EPC2: variants seen among roughly 807,000 people sequenced by gnomAD.
EPC2 encodes the protein enhancer of polycomb 2.
Under a neutral mutation model 92.1 loss-of-function variants are expected in EPC2, and 14 were observed. The observed-to-expected ratio is 0.15, with a 90% CI of 0.10 to 0.24. The LOEUF is 0.24. Among genes scored for constraint, EPC2 ranks in the 10% least tolerant of loss-of-function variants. EPC2 has a pLI of 1.00. For synonymous variants in EPC2, 340 were observed against 334.7 expected (o/e 1.02, Z -0.17); for missense variants, 755 against 971.5 (o/e 0.78, Z 2.96).
chr2:148,719,247 A>G (rs972732367), intron 2 of EPC2, among the ~76,000 whole-genome samples: 6 of 152,038 alleles, frequency 3.9e-5, no homozygotes, highest in Non-Finnish European at 5.9e-5. Flanking sequence ...CTGTCATTTC[A>G]GCAATCTCAG....
chr2:148,775,658 A>ATTT (rs1553451007), intron 10 of EPC2, among the ~76,000 whole-genome samples: 2 of 138,594 alleles, frequency 1.4e-5, no homozygotes, highest in African/African-American at 2.7e-5. Context: ...TCTTTAAATA[A>ATTT]AATTAAATAA....
chr2:148,685,743 G>A (rs1265967083), intron 1 of EPC2, among the ~76,000 whole-genome samples: 1 of 152,174 alleles, frequency 6.6e-6, no homozygotes, highest in African/African-American at 2.4e-5. Flanking sequence ...CTCTAGCCTG[G>A]GCGACAGAGT....
chr2:148,698,664 T>C (rs1448657226), intron 2 of EPC2, among the ~76,000 whole-genome samples: 2 of 143,242 alleles, frequency 1.4e-5, no homozygotes, highest in African/African-American at 5.0e-5. Flanking sequence ...AAAAATCTCC[T>C]GTTTCTCTGA....
intron 2 of EPC2, among the ~76,000 whole-genome samples, chr2:148,695,433 G>A (rs902826661): frequency 3.9e-5 from 6 of 152,220 alleles, no homozygotes; most frequent in Admixed American, 3.9e-4. Flanking sequence ...TCCTCAGACT[G>A]ATAAAGCTGA....
intron 1 of EPC2, among the ~76,000 whole-genome samples, chr2:148,654,934 G>A (rs945367579): frequency 6.6e-6 from 1 of 152,132 alleles, no homozygotes; most frequent in African/African-American, 2.4e-5. Flanking sequence ...GGAAAGATAA[G>A]TTTTAGTGAT....
rs1683778694 is a variant in EPC2 at position 148,645,462 on chromosome 2, G to C, written c.153+292G>C. On this transcript the variant is annotated intron_variant, in intron 1 of 13. Coordinates refer to ENST00000258484, the MANE Select transcript of EPC2 (RefSeq NM_015630.4). ...CCGGGAATGGCGCAGGGGATGCGCT[G>C]GCCGCTCTTGGCGTACGGTCTCTGT... is the stretch of plus-strand genomic sequence containing the variant. 13 of 368,666 alleles carry C rather than the reference G, an allele frequency of 3.5e-5. No homozygotes were observed. The South Asian group carries it at 4.1e-4, about 12-fold the overall frequency. The allele number at this position is 368,666 out of a possible 1,614,324, so 22.8% of individuals were successfully genotyped here.
Position 148,728,193 on chromosome 2 carries a change from G to A in EPC2, c.314-15429G>A, listed in dbSNP as rs181378474. The stretch of plus-strand genomic sequence containing the variant: ...CTAGGCTCAAGCAGTCTCCCACCTC[G>A]GCCTCCCAAAATACTAGGATTACAG... On this transcript the variant is annotated intron_variant, in intron 2 of 13. Coordinates refer to ENST00000258484, the MANE Select transcript of EPC2 (RefSeq NM_015630.4). Among the ~76,000 whole-genome samples the A allele has an allele frequency of 1.1e-3, 168 of 151,990 alleles. 1 individual carries two copies. Among genetic ancestry groups the A allele is most frequent in the African/African-American group, 3.8e-3 (158 of 41,460 alleles).
At chr2:148,771,995 C>T (rs1457866072) in intron 10 of EPC2, among the ~76,000 whole-genome samples, 3 of 152,094 alleles carry the variant, frequency 2.0e-5, no homozygotes, top group East Asian at 1.9e-4. Flanking sequence ...GACAGAGTTT[C>T]GCCATGTTGG....
intron 4 of EPC2, among the ~76,000 whole-genome samples, chr2:148,758,864 C>CA (rs1683245534): frequency 6.6e-6 from 1 of 152,100 alleles, no homozygotes; most frequent in Admixed American, 6.5e-5. Context: ...GTAGTTGTAC[C>CA]AAAAATACAT....
intron 10 of EPC2, among the ~76,000 whole-genome samples, chr2:148,778,019 T>C (rs1366722787): frequency 2.0e-5 from 3 of 152,204 alleles, no homozygotes; most frequent in South Asian, 2.1e-4. Context: ...AAATGTGTTA[T>C]ATAGAATGTG....
At chr2:148,658,740 GCTTTA>G (rs1335561855) in intron 1 of EPC2, among the ~76,000 whole-genome samples, 2 of 151,594 alleles carry the variant, frequency 1.3e-5, no homozygotes, top group African/African-American at 2.4e-5. Flanking sequence ...GAAAAACGCT[GCTTTA>G]CTTAATTCAG....
chr2:148,735,490 CTT>C (rs1245080113), intron 2 of EPC2, among the ~76,000 whole-genome samples: 1 of 151,856 alleles, frequency 6.6e-6, no homozygotes, highest in Non-Finnish European at 1.5e-5. Flanking sequence ...TAAAGAGACT[CTT>C]TATATATTCT....
At chr2:148,782,437 T>C (rs902962102) in intron 11 of EPC2, among the ~76,000 whole-genome samples, 2 of 152,046 alleles carry the variant, frequency 1.3e-5, no homozygotes, top group South Asian at 2.1e-4. Flanking sequence ...CTTGGGAGGC[T>C]GAGGCATGAG....
At chr2:148,762,897 A>T in intron 6 of EPC2, 95 bp downstream of exon 6, 8 of 1,357,352 alleles carry the variant, frequency 5.9e-6, no homozygotes, top group Non-Finnish European at 7.9e-6. Flanking sequence ...TTGAGTAAAG[A>T]AAAAGTAATT....
intron 10 of EPC2, among the ~76,000 whole-genome samples, chr2:148,774,624 T>TATTTTATATATATATATATA (rs935978031): frequency 3.8e-5 from 5 of 132,574 alleles, no homozygotes; most frequent in Admixed American, 3.2e-4. Flanking sequence ...AAAATATATT[T>TATTTTATATATATATATATA]TATATATATA....
intron 6 of EPC2, 147 bp downstream of exon 6, chr2:148,762,949 G>C: frequency 5.1e-5 from 40 of 787,380 alleles, no homozygotes; most frequent in Non-Finnish European, 7.2e-5. Context: ...CACTTTGCTA[G>C]GAGTATTTAT....
At position 148,721,907 on chromosome 2, in the gene EPC2, T is replaced by TTC. The variant is rs1553446825; in HGVS notation, c.314-21715_314-21714insTC. Among the ~76,000 whole-genome samples the TTC allele has an allele frequency of 3.4e-5, 5 of 145,966 alleles. No individual in the cohort carries two copies. The South Asian group carries it at 6.5e-4, about 19-fold the overall frequency. On this transcript the variant is annotated intron_variant, in intron 2 of 13. Coordinates refer to ENST00000258484, the MANE Select transcript of EPC2 (RefSeq NM_015630.4). ...TTTGATTTCTTTTTTTTTTTTTTTT[T>TTC]CAGAATTCTCATCTCTCTTCTTATA...
chr2:148,694,703 A>C (rs1440523360), intron 2 of EPC2, among the ~76,000 whole-genome samples: 1 of 152,216 alleles, frequency 6.6e-6, no homozygotes, highest in Non-Finnish European at 1.5e-5. Flanking sequence ...ATATGATAAC[A>C]TTTTACAGTT....
intron 1 of EPC2, among the ~76,000 whole-genome samples, chr2:148,661,452 C>T (rs1158189050): frequency 6.6e-6 from 1 of 152,020 alleles, no homozygotes; most frequent in African/African-American, 2.4e-5. Flanking sequence ...ACCATATCAC[C>T]ACCTAATAGA....
Sources: allele counts gnomAD v4.1 joint callset (sites outside exome capture counted in the v4.1 genomes callset), GRCh38; gene constraint gnomAD v4.1.1; transcripts MANE v1.5; gene names NCBI Gene and HGNC (gene_info 2026-07-23, HGNC 2026-07-21).